NALF1: variants seen among roughly 807,000 people sequenced by gnomAD.
NALF1 encodes the protein family with sequence similarity 155 member A.
In NALF1, 3 loss-of-function variants were observed where a neutral mutation model predicts 48.4. The ratio of observed to expected loss-of-function variants is 0.06; its 90% CI spans 0.03 to 0.16. The LOEUF is 0.16. Ranked by LOEUF, NALF1 falls within the 10% of genes least tolerant of loss-of-function variation. NALF1 has a pLI of 1.00. For synonymous variants in NALF1, 262 were observed against 245.7 expected (o/e 1.07, Z -0.62); for missense variants, 526 against 571.5 (o/e 0.92, Z 0.81).
At chr13:107,711,407 C>T (rs534889423) in intron 1 of NALF1, among the ~76,000 whole-genome samples, 2 of 152,250 alleles carry the variant, frequency 1.3e-5, no homozygotes, top group Admixed American at 1.3e-4. Context: ...GCAATCTCAG[C>T]TCACAGCAAC....
intron 2 of NALF1, among the ~76,000 whole-genome samples, chr13:107,204,532 G>C (rs1879594691): frequency 6.6e-6 from 1 of 152,166 alleles, no homozygotes; most frequent in Admixed American, 6.5e-5. Context: ...AGGCAAACTT[G>C]ACCTGCTGGG....
intron 1 of NALF1, among the ~76,000 whole-genome samples, chr13:107,675,818 G>A (rs1378317936): frequency 1.3e-5 from 2 of 152,086 alleles, no homozygotes; most frequent in East Asian, 3.9e-4. Flanking sequence ...ATCCAGATGA[G>A]GCAAGGAATG....
At position 107,540,596 on chromosome 13, in the gene NALF1, C is replaced by T. The variant is rs12427775; in HGVS notation, c.915+325086G>A. 0.03 allele frequency among the ~76,000 whole-genome samples: 4,490 copies of T among 152,066 alleles called. 394 individuals carry two copies. In the East Asian group the frequency reaches 0.35, roughly 12 times the overall value. ...ATGCTGGATCAATCGAAAGCTCTGG[C>T]GTTAATTTCCACAGTGACTGCTGGT... On this transcript the variant is annotated intron_variant, in intron 1 of 2. Transcript: ENST00000375915.
At position 107,170,772 on chromosome 13, in the gene NALF1, A is replaced by G. The variant is rs778157700; in HGVS notation, c.1102T>C (p.Phe368Leu). The G allele has an allele frequency of 6.2e-7, 1 of 1,614,166 alleles. No homozygotes were observed. The highest frequency in any genetic ancestry group is 1.7e-5 in the Admixed American group (1 of 60,018). ...CATTCTGGTTCATCATTGGTTAGAAAGGTTTCATAAAGCCCTGTAGGAAGA... is the reference window on the plus strand; with the variant it reads ...CATTCTGGTTCATCATTGGTTAGAAGGGTTTCATAAAGCCCTGTAGGAAGA... ...SFICTGLYET[F>L]LTNDEPECCD... The change falls in exon 3 of 3, where the codon TTT (phenylalanine) becomes CTT (leucine). Residue 368 changes from phenylalanine to leucine, a missense_variant. By Grantham distance (22) the Phe-to-Leu change is conservative. This residue lies in a region of NALF1 where 153 missense variants were observed against 215.9 expected (regional missense o/e 0.71). Transcript: ENST00000375915.
At chr13:107,757,763 A>G (rs1387578333) in intron 1 of NALF1, among the ~76,000 whole-genome samples, 2 of 152,282 alleles carry the variant, frequency 1.3e-5, no homozygotes, top group Admixed American at 6.5e-5. Context: ...TTGGCTAATG[A>G]GTAAAATAAA....
At chr13:107,228,105 C>T (rs1408565) in intron 1 of NALF1, among the ~76,000 whole-genome samples, 60,096 of 151,998 alleles carry the variant, frequency 0.4, 12,167 homozygotes, top group Middle Eastern at 0.51. Context: ...TGGTTAATTT[C>T]GATTAACAAT....
Position 107,164,528 on chromosome 13 carries a change from A to C in NALF1, c.*5969T>G, listed in dbSNP as rs1244509504. ...TTTTTGATCTATGAGTGCCTTAAAC[A>C]ACCACTTTGAAGTTGCATCATTATT... On this transcript the variant is annotated 3_prime_UTR_variant, in exon 3 of 3. Transcript: ENST00000375915. 1 of 152,034 alleles carries C rather than the reference A, an allele frequency of 6.6e-6. No individual in the cohort carries two copies. The highest frequency in any genetic ancestry group is 2.4e-5 in the African/African-American group (1 of 41,344). 9.4% of individuals were successfully genotyped at this position (152,034 alleles called of 1,614,324 possible). A position where few individuals can be genotyped will look rare whatever the true frequency, so the allele number is the denominator to read the frequency against.
chr13:107,667,210 C>A (rs149062061), intron 1 of NALF1, among the ~76,000 whole-genome samples: 60 of 152,024 alleles, frequency 3.9e-4, no homozygotes, highest in African/African-American at 1.4e-3. Flanking sequence ...TATGTAATTA[C>A]CATAAACGAC....
At chr13:107,208,902 G>T (rs1010136359) in intron 2 of NALF1, among the ~76,000 whole-genome samples, 1 of 151,664 alleles carries the variant, frequency 6.6e-6, no homozygotes, top group African/African-American at 2.4e-5. Flanking sequence ...TCCCCCTCCA[G>T]CAGAGAGGAG....
chr13:107,341,700 C>T (rs118081890), intron 1 of NALF1, among the ~76,000 whole-genome samples: 2,122 of 150,482 alleles, frequency 0.014, 18 homozygotes, highest in African/African-American at 0.019. Flanking sequence ...ATGATAGATA[C>T]ATTATATATA....
chr13:107,642,011 G>A (rs1880171035), intron 1 of NALF1, among the ~76,000 whole-genome samples: 1 of 152,134 alleles, frequency 6.6e-6, no homozygotes, highest in Non-Finnish European at 1.5e-5. Context: ...AGTGAAGAAT[G>A]ACAAACCCAG....
intron 1 of NALF1, among the ~76,000 whole-genome samples, chr13:107,224,059 A>G (rs1011910867): frequency 6.6e-6 from 1 of 152,178 alleles, no homozygotes; most frequent in Non-Finnish European, 1.5e-5. Flanking sequence ...TTATTGATTA[A>G]TGAATAATAT....
chr13:107,528,834 G>T (rs1018584398), intron 1 of NALF1, among the ~76,000 whole-genome samples: 1 of 152,130 alleles, frequency 6.6e-6, no homozygotes, highest in African/African-American at 2.4e-5. Flanking sequence ...AGCACAATCA[G>T]TTAAAGAACC....
At chr13:107,572,636 T>A (rs67153654) in intron 1 of NALF1, among the ~76,000 whole-genome samples, 28,012 of 152,102 alleles carry the variant, frequency 0.18, 2,804 homozygotes, top group South Asian at 0.29. Context: ...AGGCCTTTCA[T>A]TGTTTTTTAC....
At chr13:107,447,523 TG>T (rs1461357243) in intron 1 of NALF1, among the ~76,000 whole-genome samples, 1 of 152,244 alleles carries the variant, frequency 6.6e-6, no homozygotes, top group Non-Finnish European at 1.5e-5. Context: ...TAGCTTCTAC[TG>T]AGCTTTACCA....
At chr13:107,427,053 T>C (rs899196336) in intron 1 of NALF1, among the ~76,000 whole-genome samples, 1 of 151,812 alleles carries the variant, frequency 6.6e-6, no homozygotes, top group South Asian at 2.1e-4. Flanking sequence ...ATTATTATTA[T>C]ATATTCTAAC....
At chr13:107,244,986 T>C (rs1390431334) in intron 1 of NALF1, among the ~76,000 whole-genome samples, 1 of 152,192 alleles carries the variant, frequency 6.6e-6, no homozygotes, top group Non-Finnish European at 1.5e-5. Context: ...ATGTATTGGC[T>C]GAGCAAGAAT....
At chr13:107,656,037 G>C (rs916031027) in intron 1 of NALF1, among the ~76,000 whole-genome samples, 1 of 151,526 alleles carries the variant, frequency 6.6e-6, no homozygotes, top group Non-Finnish European at 1.5e-5. Flanking sequence ...TTAAATCTAA[G>C]ACCTGAAATC....
chr13:107,741,656 T>C (rs1876641311), intron 1 of NALF1, among the ~76,000 whole-genome samples: 1 of 152,164 alleles, frequency 6.6e-6, no homozygotes, highest in African/African-American at 2.4e-5. Context: ...CTAGTTGGAA[T>C]TGACAGGTGT....
Sources: gnomAD v4.1 joint callset for allele counts (sites outside exome capture counted in the v4.1 genomes callset) on GRCh38, gnomAD v4.1.1 for gene constraint, gnomAD v4.1.1 regional missense constraint, MANE v1.5 for transcripts, NCBI Gene and HGNC (gene_info 2026-07-23, HGNC 2026-07-21) for gene names.